ADCY3: variants seen among roughly 807,000 people sequenced by gnomAD.
The protein encoded by ADCY3 is adenylate cyclase type 3.
ADCY3 carries 70 observed loss-of-function variants against 119.4 expected under a neutral mutation model. The observed-to-expected ratio is 0.59, with a 90% CI of 0.48 to 0.72. The LOEUF is 0.72. Ranked by LOEUF, ADCY3 falls within the 30% of genes least tolerant of loss-of-function variation. ADCY3 has a pLI of 0.00. For missense variants in ADCY3, 1,238 were observed against 1,541.6 expected (o/e 0.80, Z 3.30); for synonymous variants, 672 against 621.4 (o/e 1.08, Z -1.21).
At chr2:24,821,902 A>T in intron 19 of ADCY3, 1 of 418,996 alleles carries the variant, frequency 2.4e-6, no homozygotes, top group Non-Finnish European at 4.3e-6. Flanking sequence ...GGACCCCTTC[A>T]CCTTGGCTGG....
At chr2:24,840,059 C>T (rs1233212546) in intron 6 of ADCY3, 28 bp from the exon 7 acceptor site, 1 of 1,591,500 alleles carries the variant, frequency 6.3e-7, no homozygotes, top group South Asian at 1.1e-5. Flanking sequence ...AAAGGAGGGT[C>T]AGGGTGTGGC....
chr2:24,897,806 C>CCT (rs1162342925), intron 2 of ADCY3, among the ~76,000 whole-genome samples: 1 of 152,014 alleles, frequency 6.6e-6, no homozygotes, highest in Admixed American at 6.6e-5. Context: ...TGAACGAATC[C>CCT]CTCTCTCTCC....
intron 13 of ADCY3, among the ~76,000 whole-genome samples, chr2:24,830,334 C>T (rs1375940465): frequency 6.6e-6 from 1 of 152,188 alleles, no homozygotes; most frequent in Non-Finnish European, 1.5e-5. Context: ...CTACCGCGCC[C>T]AACCAATTAC....
chr2:24,831,827 G>A (rs1020302650), intron 11 of ADCY3, 78 bp from the exon 12 acceptor site: 30 of 1,029,324 alleles, frequency 2.9e-5, no homozygotes, highest in African/African-American at 6.4e-5. Context: ...AGGAAGGGAC[G>A]GGGATGGGGG....
Position 24,830,738 on chromosome 2 carries a change from T to C in ADCY3, c.2143A>G (p.Ile715Val). Residue 715 changes from isoleucine to valine, a missense_variant, in exon 13 of 22, where the codon ATC (isoleucine) becomes GTC (valine). This residue lies in a region of ADCY3 where 499 missense variants were observed against 571.0 expected (regional missense o/e 0.87). Transcript: ENST00000679454. ...RNTWAMLAIF[I>V]LVMANVVDML... ...TCCACGACATTTGCCATCACCAGGA[T>C]GAAGATGGCGAGCATGGCCCAGGTG... 6.2e-7 allele frequency: 1 copy of C among 1,614,056 alleles called. No homozygotes were observed. Among genetic ancestry groups the C allele is most frequent in the Non-Finnish European group, 8.5e-7 (1 of 1,179,988 alleles).
intron 3 of ADCY3, among the ~76,000 whole-genome samples, chr2:24,869,272 A>G (rs1019617192): frequency 2.0e-5 from 3 of 151,948 alleles, no homozygotes; most frequent in Admixed American, 6.6e-5. Context: ...TTTCTGGGGG[A>G]AAAAAACCTC....
At chr2:24,839,479 C>A (rs1010635878) in intron 7 of ADCY3, among the ~76,000 whole-genome samples, 1 of 152,216 alleles carries the variant, frequency 6.6e-6, no homozygotes, top group East Asian at 1.9e-4. Flanking sequence ...ACCTGCAAAA[C>A]GCTGCCTGCG....
Position 24,905,413 on chromosome 2 carries a change from C to T in ADCY3, c.675+12900G>A, listed in dbSNP as rs148043462. Among the ~76,000 whole-genome samples, 591 of 152,274 alleles carry T rather than the reference C, an allele frequency of 3.9e-3. 4 individuals carry two copies. Among genetic ancestry groups the T allele is most frequent in the African/African-American group, 0.013 (552 of 41,556 alleles). ...CCTCCCAAAGTGCTGGGATTACAGGCGTGAGCCACTGTGCCCAGCCGTTTT... is the reference window on the plus strand; with the variant it reads ...CCTCCCAAAGTGCTGGGATTACAGGTGTGAGCCACTGTGCCCAGCCGTTTT... On this transcript the variant is annotated intron_variant, in intron 2 of 21. Transcript: ENST00000679454.
intron 3 of ADCY3, among the ~76,000 whole-genome samples, chr2:24,870,843 C>T (rs1053086664): frequency 6.6e-6 from 1 of 152,170 alleles, no homozygotes; most frequent in Non-Finnish European, 1.5e-5. Flanking sequence ...CTCATTTGAC[C>T]CTCAAGAAAC....
At chr2:24,829,112 G>A (rs951091328) in intron 13 of ADCY3, among the ~76,000 whole-genome samples, 1 of 151,908 alleles carries the variant, frequency 6.6e-6, no homozygotes, top group African/African-American at 2.4e-5. Flanking sequence ...CACCTCCCAG[G>A]TTCAAGCGAT....
chr2:24,879,019 A>G (rs1194913536), intron 2 of ADCY3, among the ~76,000 whole-genome samples: 1 of 152,188 alleles, frequency 6.6e-6, no homozygotes, highest in African/African-American at 2.4e-5. Context: ...AGAAAGCCAT[A>G]GGCAACAACT....
chr2:24,875,987 G>GC (rs891482455), intron 2 of ADCY3, among the ~76,000 whole-genome samples: 11 of 53,352 alleles, frequency 2.1e-4, no homozygotes, highest in South Asian at 6.0e-4. Flanking sequence ...ACTTCTTTTT[G>GC]GGAGGGGGGC....
In ADCY3 at chr2:24,912,597, GTGTGTGCA is replaced by G. The variant is rs1337359319; in HGVS notation, c.675+5708_675+5715del. On this transcript the variant is annotated intron_variant, in intron 2 of 21. Transcript: ENST00000679454. ...TGTGTGTGTGTGTGCATGTGTGTGTGTGTGTGCATGTGTGTGTGTGTGTGTGTGCCTGC... is the reference window on the plus strand; with the variant it reads ...TGTGTGTGTGTGTGCATGTGTGTGTGTGTGTGTGTGTGTGTGTGTGCCTGC... 1.5e-3 allele frequency among the ~76,000 whole-genome samples: 61 copies of G among 40,884 alleles called. 3 individuals carry two copies. The African/African-American group carries it at 0.02, about 13-fold the overall frequency. 26.8% of individuals were successfully genotyped at this position (40,884 alleles called of 152,430 possible). A position where few individuals can be genotyped will look rare whatever the true frequency, so the allele number is the denominator to read the frequency against.
rs755558582 is a variant in ADCY3, at chr2:24,822,531, C to T, written c.2983G>A (p.Gly995Ser). ...SGVTPDVNTNGFASSNKEDKS... is the reference protein window; with the variant it reads ...SGVTPDVNTNSFASSNKEDKS... Reference sequence around the variant, plus strand: ...GCTACCTTGTTGGAGCTGGCAAAGCCATTGGTGTTGACATCGGGGGTGACT... The same window carrying T: ...GCTACCTTGTTGGAGCTGGCAAAGCTATTGGTGTTGACATCGGGGGTGACT... Residue 995 changes from glycine to serine, a missense_variant, in exon 19 of 22, where the codon GGC (glycine) becomes AGC (serine). Transcript: ENST00000679454. 6.2e-7 allele frequency: 1 copy of T among 1,614,056 alleles called. No individual in the cohort carries two copies.
chr2:24,918,360 C>A lies in ADCY3; in HGVS notation c.628G>T (p.Ala210Ser), dbSNP rs768887257. 1 of 1,601,470 alleles carries A rather than the reference C, an allele frequency of 6.2e-7. No homozygotes were observed. The highest frequency in any genetic ancestry group is 1.1e-5 in the South Asian group (1 of 89,736). The change falls in exon 2 of 22, where the codon GCC becomes TCC. Residue 210 changes from alanine (A) to serine (S), a missense_variant. This residue lies in a region of ADCY3 where 283 missense variants were observed against 437.2 expected (regional missense o/e 0.65). Transcript: ENST00000679454. The surrounding 1 kb of genome is among the most constrained non-coding windows in gnomAD (Gnocchi z 5.4). ...TTGAGCTCCTCCTGCTGCTGCTGGGCCACGGTGACCCCCAGGACCAACGTG... is the reference window on the plus strand; with the variant it reads ...TTGAGCTCCTCCTGCTGCTGCTGGGACACGGTGACCCCCAGGACCAACGTG... ...VHTLVLGVTV[A>S]QQQQEELKGM...
Position 24,918,786 on chromosome 2 carries a change from T to A in ADCY3, c.202A>T (p.Thr68Ser). Residue 68 changes from threonine (T) to serine (S), a missense_variant, in exon 2 of 22, where the codon ACC becomes TCC. Physicochemically the swap from Thr to Ser is moderately conservative, Grantham distance 58. Around this residue, in one of 7 missense-constraint regions of ADCY3, gnomAD observed 227 missense variants for 249.3 expected, o/e 0.91. Coordinates refer to ENST00000679454, the MANE Select transcript of ADCY3 (RefSeq NM_004036.5). The surrounding 1 kb of genome is among the most constrained non-coding windows in gnomAD (Gnocchi z 5.4). ...TCGTGGCGCTGCCTTTTGAAGTAGG[T>A]CTGGTAGAGGTTCTCCAAGGACTCC... is the stretch of plus-strand genomic sequence containing the variant. The part of the protein sequence containing the change: ...VPESLENLYQ[T>S]YFKRQRHETL... The A allele has an allele frequency of 6.2e-7, 1 of 1,613,714 alleles. No individual in the cohort carries two copies. Among genetic ancestry groups the A allele is most frequent in the South Asian group, 1.1e-5 (1 of 91,060 alleles).
intron 3 of ADCY3, among the ~76,000 whole-genome samples, chr2:24,862,398 T>A (rs1320903707): frequency 1.3e-5 from 2 of 151,986 alleles, no homozygotes; most frequent in Non-Finnish European, 2.9e-5. Flanking sequence ...TACAAAATAT[T>A]TGCCGGGCAT....
chr2:24,870,384 T>C (rs561975809), intron 3 of ADCY3, among the ~76,000 whole-genome samples: 1 of 149,990 alleles, frequency 6.7e-6, no homozygotes, highest in East Asian at 1.9e-4. Flanking sequence ...ATGGGGATAC[T>C]GAAGTCCAAA....
chr2:24,838,912 G>T (rs755274173), intron 7 of ADCY3: 5 of 1,560,670 alleles, frequency 3.2e-6, no homozygotes, highest in African/African-American at 1.4e-5. Context: ...TCTTTGATCC[G>T]CTGTAAAGCA....
Sources: allele counts gnomAD v4.1 joint callset (sites outside exome capture counted in the v4.1 genomes callset), GRCh38; gene constraint gnomAD v4.1.1; regional missense constraint gnomAD v4.1.1; non-coding constraint Gnocchi (gnomAD v3.1); transcripts MANE v1.5; gene names NCBI Gene and HGNC (gene_info 2026-07-23, HGNC 2026-07-21).